MIB1: variants seen among roughly 807,000 people sequenced by gnomAD.
MIB1 encodes E3 ubiquitin-protein ligase MIB1.
In MIB1, 278 loss-of-function variants were observed where a neutral mutation model predicts 124.5. The observed-to-expected ratio is 2.23, with a 90% CI of 2.02 to 2.47. MIB1 has a LOEUF of 2.47. MIB1 is among the 30% of genes most tolerant of loss of function. The pLI is 0.00. For missense variants in MIB1, 957 were observed against 1,254.4 expected (o/e 0.76, Z 3.58); for synonymous variants, 446 against 429.4 (o/e 1.04, Z -0.48).
chr18:21,846,257 G>A (rs1001024773), intron 15 of MIB1, among the ~76,000 whole-genome samples: 3 of 152,172 alleles, frequency 2.0e-5, no homozygotes, highest in Non-Finnish European at 4.4e-5. Flanking sequence ...CCATGGGTAA[G>A]TTCTCTTAGC....
intron 7 of MIB1, among the ~76,000 whole-genome samples, chr18:21,796,603 T>C (rs2146450306): frequency 6.6e-6 from 1 of 152,308 alleles, no homozygotes; most frequent in East Asian, 1.9e-4. Context: ...AAAGCTCCTA[T>C]TTCCTAGCTG....
chr18:21,714,493 GTTTC>G (rs1171573304), intron 1 of MIB1, among the ~76,000 whole-genome samples: 1 of 152,158 alleles, frequency 6.6e-6, no homozygotes, highest in East Asian at 1.9e-4. Context: ...TGTCTCCACA[GTTTC>G]TTTCTTCTCC....
chr18:21,721,334 C>A (rs1188606598), intron 1 of MIB1, among the ~76,000 whole-genome samples: 1 of 151,362 alleles, frequency 6.6e-6, no homozygotes, highest in Non-Finnish European at 1.5e-5. Flanking sequence ...GCATACACCG[C>A]CACGCCCAGC....
intron 12 of MIB1, among the ~76,000 whole-genome samples, chr18:21,837,876 CA>C (rs2042048306): frequency 6.6e-6 from 1 of 152,146 alleles, no homozygotes; most frequent in African/African-American, 2.4e-5. Context: ...TATTAATTAT[CA>C]CAGTTTTTCC....
In MIB1 at chr18:21,791,417, C is replaced by G. The variant is rs142475589; in HGVS notation, c.952C>G (p.Arg318Gly). Residue 318 changes from arginine to glycine, a missense_variant, in exon 7 of 21, where the codon CGA (arginine) becomes GGA (glycine). Transcript: ENST00000261537. ...PAVLTKANIV[R>G]SGDAAQGAEG... ...TGTTCTCACTAAAGCGAACATTGTC[C>G]GAAGTGGAGATGCTGCTCAGGGTGC... The G allele has an allele frequency of 2.5e-6, 4 of 1,613,512 alleles. No homozygotes were observed. The Admixed American group carries it at 6.7e-5, about 27-fold the overall frequency.
chr18:21,852,604 C>T (rs1453883333), intron 17 of MIB1, among the ~76,000 whole-genome samples: 1 of 152,070 alleles, frequency 6.6e-6, no homozygotes, highest in Non-Finnish European at 1.5e-5. Context: ...AAAGAATAGC[C>T]CAAAGCTGTG....
intron 1 of MIB1, among the ~76,000 whole-genome samples, chr18:21,727,356 C>T (rs3016703): frequency 1 from 152,298 of 152,298 alleles, 76,149 homozygotes; most frequent in Non-Finnish European, 1. Flanking sequence ...TGGTCTTGAA[C>T]TCCTTGCCTC....
At chr18:21,836,557 G>A (rs1414952985) in intron 12 of MIB1, among the ~76,000 whole-genome samples, 2 of 151,672 alleles carry the variant, frequency 1.3e-5, no homozygotes, top group Non-Finnish European at 2.9e-5. Flanking sequence ...TCAATTATAG[G>A]CATCTAGTGA....
intron 1 of MIB1, among the ~76,000 whole-genome samples, chr18:21,747,710 T>C (rs2040927054): frequency 6.6e-6 from 1 of 152,242 alleles, no homozygotes; most frequent in Non-Finnish European, 1.5e-5. Flanking sequence ...TAATGTGTAT[T>C]TTCGATCCTA....
chr18:21,806,519 T>A (rs1407557393), intron 10 of MIB1, among the ~76,000 whole-genome samples: 2 of 151,998 alleles, frequency 1.3e-5, no homozygotes, highest in African/African-American at 4.8e-5. Flanking sequence ...TTCTTAATTG[T>A]ACTCAAATAC....
intron 1 of MIB1, among the ~76,000 whole-genome samples, chr18:21,733,904 C>T (rs538896071): frequency 2.0e-5 from 3 of 151,800 alleles, no homozygotes; most frequent in South Asian, 2.1e-4. Flanking sequence ...AGGGTTTCTC[C>T]ATGTTGGTCA....
intron 1 of MIB1, among the ~76,000 whole-genome samples, chr18:21,733,388 G>A (rs2040781411): frequency 6.6e-6 from 1 of 152,140 alleles, no homozygotes; most frequent in Non-Finnish European, 1.5e-5. Context: ...TGAAGTAGGT[G>A]GGAGCTGGCT....
chr18:21,769,974 C>T (rs148822280), intron 3 of MIB1, among the ~76,000 whole-genome samples: 1 of 152,126 alleles, frequency 6.6e-6, no homozygotes, highest in East Asian at 1.9e-4. Flanking sequence ...GAGGCTGAGG[C>T]GGGTGGATCA....
At chr18:21,829,875 G>T (rs190898022) in intron 12 of MIB1, among the ~76,000 whole-genome samples, 290 of 152,200 alleles carry the variant, frequency 1.9e-3, no homozygotes, top group Middle Eastern at 6.8e-3. Context: ...TCAACTTTTA[G>T]AAAGTATCAC....
chr18:21,821,935 CT>C (rs1244639448), intron 12 of MIB1, among the ~76,000 whole-genome samples: 60 of 152,320 alleles, frequency 3.9e-4, no homozygotes, highest in African/African-American at 1.4e-3. Flanking sequence ...ACTATATACT[CT>C]GCTTAGTGCT....
intron 6 of MIB1, among the ~76,000 whole-genome samples, chr18:21,786,986 T>C (rs559027655): frequency 3.3e-5 from 5 of 152,318 alleles, no homozygotes; most frequent in Non-Finnish European, 7.4e-5. Context: ...TATTTTCTTA[T>C]CTGCCTTATA....
intron 11 of MIB1, among the ~76,000 whole-genome samples, chr18:21,816,778 A>C (rs988457698): frequency 6.6e-6 from 1 of 152,214 alleles, no homozygotes; most frequent in African/African-American, 2.4e-5. Context: ...GATTTTGTTC[A>C]GCTAGATAAT....
chr18:21,734,478 T>TTCTC (rs60128500), intron 1 of MIB1, among the ~76,000 whole-genome samples: 2,098 of 149,186 alleles, frequency 0.014, 57 homozygotes, highest in African/African-American at 0.048. Flanking sequence ...CTCTCTCTCT[T>TTCTC]TCTCTCTCTC....
At chr18:21,748,380 C>A (rs2040934854) in intron 1 of MIB1, among the ~76,000 whole-genome samples, 3 of 102,740 alleles carry the variant, frequency 2.9e-5, no homozygotes, top group Admixed American at 1.0e-4. Context: ...TCTCTCCCCC[C>A]TCCCTCTCTC....
Sources: allele counts gnomAD v4.1 joint callset (sites outside exome capture counted in the v4.1 genomes callset), GRCh38; gene constraint gnomAD v4.1.1; transcripts MANE v1.5; gene names NCBI Gene and HGNC (gene_info 2026-07-23, HGNC 2026-07-21).